Variants in TAF1L observed in about 807,000 individuals in gnomAD.
The protein encoded by TAF1L is TATA-box binding protein associated factor 1 like.
A neutral mutation model predicts 128.8 loss-of-function variants in TAF1L; 30 were observed. The ratio of observed to expected loss-of-function variants is 0.23; its 90% CI spans 0.17 to 0.32. The LOEUF is 0.32. Among genes scored for constraint, TAF1L ranks in the 10% least tolerant of loss-of-function variants. The pLI is 1.00. For missense variants in TAF1L, 2,099 were observed against 2,253.7 expected, an observed-to-expected ratio of 0.93 and a Z score of 1.39; for synonymous variants, 764 against 790.7, an observed-to-expected ratio of 0.97 and a Z score of 0.57.
chr9:32,630,617 G>A lies in TAF1L; in HGVS notation c.4963C>T (p.Pro1655Ser), dbSNP rs145062474. Residue 1655 changes from proline (P) to serine (S), a missense_variant, in exon 1 of 1, where the codon CCA becomes TCA. Around this residue, in one of 4 missense-constraint regions of TAF1L, gnomAD observed 404 missense variants for 406.5 expected, o/e 0.99. Transcript: ENST00000242310. ...LEEAELESLDPMTPGPYTSQP... is the reference protein window; with the variant it reads ...LEEAELESLDSMTPGPYTSQP... ...GATGTGTAGGGCCCTGGGGTCATTG[G>A]GTCCAGGCTTTCTAATTCTGCTTCC... 6.5e-4 allele frequency: 1,053 copies of A among 1,613,916 alleles called. 1 individual carries two copies. The highest frequency in any genetic ancestry group is 1.1e-3 in the Admixed American group (66 of 59,994).
rs368134751 is a variant in TAF1L at position 32,634,940 on chromosome 9, G to A, written c.640C>T (p.Pro214Ser). Reference sequence around the variant, plus strand: ...GATTCTGCCTGTGTTGCTTCCTGAGGTCCCATCTCAGATTCTGAATCAGAG... The same window carrying A: ...GATTCTGCCTGTGTTGCTTCCTGAGATCCCATCTCAGATTCTGAATCAGAG... Reference protein sequence around the residue: ...SYSDSESEMGPQEATQAESED... With the variant: ...SYSDSESEMGSQEATQAESED... The change falls in exon 1 of 1, where the codon CCT becomes TCT. Residue 214 changes from proline (P) to serine (S), a missense_variant. Physicochemically the swap from Pro to Ser is moderately conservative, Grantham distance 74. This residue lies in a region of TAF1L where 473 missense variants were observed against 429.6 expected (regional missense o/e 1.10). Transcript: ENST00000242310. 3.1e-6 allele frequency: 5 copies of A among 1,614,014 alleles called. No homozygotes were observed. In the African/African-American group the frequency reaches 4.0e-5, roughly 13 times the overall value.
rs1822565353 is a variant in TAF1L, at chr9:32,635,053, C to G, written c.527G>C (p.Cys176Ser). The G allele has an allele frequency of 6.2e-7, 1 of 1,614,128 alleles. No homozygotes were observed. Among genetic ancestry groups the G allele is most frequent in the South Asian group, 1.1e-5 (1 of 91,076 alleles). The part of the protein sequence containing the change: ...KKDKDQDAIT[C>S]VSESGEDIIL... ...GATGTCTTCTCCACTTTCAGACACA[C>G]AGGTAATAGCATCTTGGTCCTTATC... The change falls in exon 1 of 1, where the codon TGT (cysteine) becomes TCT (serine). Residue 176 changes from cysteine to serine, a missense_variant. Physicochemically the swap from Cys to Ser is moderately radical, Grantham distance 112 (BLOSUM62 -1). Transcript: ENST00000242310.
chr9:32,630,066 C>T lies in TAF1L; in HGVS notation c.*33G>A, dbSNP rs1476862628. 4 of 1,612,584 alleles carry T rather than the reference C, an allele frequency of 2.5e-6. No homozygotes were observed. The highest frequency in any genetic ancestry group is 2.5e-6 in the Non-Finnish European group (3 of 1,179,250). On this transcript the variant is annotated 3_prime_UTR_variant, in exon 1 of 1. Transcript: ENST00000242310. ...ATCCTCCAAATCATGGGAAGCCTCC[C>T]CACCGTCTCCCTCATGGGACATCAT...
rs1380550262 is a variant in TAF1L at position 32,633,668 on chromosome 9, G to A, written c.1912C>T (p.Pro638Ser). 6.2e-7 allele frequency: 1 copy of A among 1,614,144 alleles called. No homozygotes were observed. Residue 638 changes from proline (P) to serine (S), a missense_variant, in exon 1 of 1, where the codon CCT (proline) becomes TCT (serine). Around this residue, in one of 4 missense-constraint regions of TAF1L, gnomAD observed 1,213 missense variants for 1,391.4 expected, o/e 0.87. Transcript: ENST00000242310. Reference sequence around the variant, plus strand: ...GCACCAAATGAGTACTTTTTCAGAGGTGGGCGATGGAACTGCCGGATTTTG... The same window carrying A: ...GCACCAAATGAGTACTTTTTCAGAGATGGGCGATGGAACTGCCGGATTTTG... ...PIKIRQFHRP[P>S]LKKYSFGALS... is the part of the protein sequence containing the mutation.
rs767605500 is a variant in TAF1L, at chr9:32,631,399, T to C, written c.4181A>G (p.His1394Arg). ...CACCATAGGGTCTGTGCGGCGTCGG[T>C]GGATGGACTTATGAGGTATATTCAA... is the stretch of plus-strand genomic sequence containing the variant. ...DYLNIPHKSI[H>R]RRRTDPMVTL... is the part of the protein sequence containing the mutation. The change falls in exon 1 of 1, where the codon CAC becomes CGC. Residue 1394 changes from histidine to arginine, a missense_variant. His to Arg is a conservative substitution (Grantham distance 29). Coordinates refer to ENST00000242310, the MANE Select transcript of TAF1L (RefSeq NM_153809.2). This position sits in a 1 kb window ranked among gnomAD's most constrained non-coding sequence, Gnocchi z 4.1. 6.2e-7 allele frequency: 1 copy of C among 1,614,050 alleles called. No individual in the cohort carries two copies.
At position 32,634,685 on chromosome 9, in the gene TAF1L, A is replaced by C. The variant is rs763961573; in HGVS notation, c.895T>G (p.Cys299Gly). ...IQEEQIQEVE[C>G]SVESEVSQKS... The stretch of plus-strand genomic sequence containing the variant: ...TGGCTGACTTCTGATTCTACTGAGC[A>C]TTCCACCTCCTGGATCTGCTCTTCC... The change falls in exon 1 of 1, where the codon TGC (cysteine) becomes GGC (glycine). Residue 299 changes from cysteine to glycine, a missense_variant. By Grantham distance (159) the Cys-to-Gly change is radical (BLOSUM62 -3). This residue lies in a region of TAF1L where 473 missense variants were observed against 429.6 expected (regional missense o/e 1.10). Coordinates refer to ENST00000242310, the MANE Select transcript of TAF1L (RefSeq NM_153809.2). 6.2e-7 allele frequency: 1 copy of C among 1,614,102 alleles called. No individual in the cohort carries two copies. Among genetic ancestry groups the C allele is most frequent in the South Asian group, 1.1e-5 (1 of 91,076 alleles).
Position 32,634,531 on chromosome 9 carries a change from A to C in TAF1L, c.1049T>G (p.Val350Gly), listed in dbSNP as rs746383314. The C allele has an allele frequency of 5.6e-6, 9 of 1,614,046 alleles. No individual in the cohort carries two copies. In the Admixed American group the frequency reaches 1.5e-4, roughly 27 times the overall value. The change falls in exon 1 of 1, where the codon GTG (valine) becomes GGG (glycine). Residue 350 changes from valine to glycine, a missense_variant. Coordinates refer to ENST00000242310, the MANE Select transcript of TAF1L (RefSeq NM_153809.2). ...AGCCACTCTTGGTTTGGTATCTGTCACTTTATCTACATCTCCAGTTGATTG... is the reference window on the plus strand; with the variant it reads ...AGCCACTCTTGGTTTGGTATCTGTCCCTTTATCTACATCTCCAGTTGATTG... ...FSQSTGDVDK[V>G]TDTKPRVAEW...
rs1162295741 is a variant in TAF1L, at chr9:32,634,072, A to C, written c.1508T>G (p.Ile503Ser). 1 of 1,614,188 alleles carries C rather than the reference A, an allele frequency of 6.2e-7. No homozygotes were observed. The highest frequency in any genetic ancestry group is 8.5e-7 in the Non-Finnish European group (1 of 1,180,044). The change falls in exon 1 of 1, where the codon ATC (isoleucine) becomes AGC (serine). Residue 503 changes from isoleucine (I) to serine (S), a missense_variant. Physicochemically the swap from Ile to Ser is moderately radical, Grantham distance 142. This residue lies in a region of TAF1L where 1,213 missense variants were observed against 1,391.4 expected (regional missense o/e 0.87). Transcript: ENST00000242310. ...DLVYGRWEDN[I>S]IWDAQAMPRL... is the part of the protein sequence containing the mutation. Reference sequence around the variant, plus strand: ...GGGCATGGCCTGAGCATCCCAAATGATATTGTCCTCCCAGCGTCCATACAC... The same window carrying C: ...GGGCATGGCCTGAGCATCCCAAATGCTATTGTCCTCCCAGCGTCCATACAC...
In TAF1L at chr9:32,631,584, T is replaced by C; in HGVS notation, c.3996A>G (p.Glu1332=). ...LEKTVIHNDN[E]ELIKVEGTKI... ...TGGTCCCTTCAACCTTGATAAGTTC[T>C]TCATTATCATTATGAATGACTGTCT... The change falls in exon 1 of 1, where the codon GAA becomes GAG. Residue 1332 remains glutamate (E), a synonymous_variant. Transcript: ENST00000242310. This position sits in a 1 kb window ranked among gnomAD's most constrained non-coding sequence, Gnocchi z 4.1. 6.2e-7 allele frequency: 1 copy of C among 1,614,230 alleles called. No individual in the cohort carries two copies. Among genetic ancestry groups the C allele is most frequent in the Non-Finnish European group, 8.5e-7 (1 of 1,180,040 alleles).
chr9:32,629,883 T>A lies in TAF1L; in HGVS notation c.*216A>T. 1 of 856,764 alleles carries A rather than the reference T, an allele frequency of 1.2e-6. No homozygotes were observed. The highest frequency in any genetic ancestry group is 1.8e-6 in the Non-Finnish European group (1 of 558,812). 53.1% of individuals were successfully genotyped at this position (856,764 alleles called of 1,614,324 possible). A position where few individuals can be genotyped will look rare whatever the true frequency, so the allele number is the denominator to read the frequency against. Reference sequence around the variant, plus strand: ...CATGTTGGCCAAGCTGGTCTCGAACTGACCTCAGGTGATCCACCCGCCTCG... The same window carrying A: ...CATGTTGGCCAAGCTGGTCTCGAACAGACCTCAGGTGATCCACCCGCCTCG... On this transcript the variant is annotated 3_prime_UTR_variant, in exon 1 of 1. Coordinates refer to ENST00000242310, the MANE Select transcript of TAF1L (RefSeq NM_153809.2).
Position 32,632,904 on chromosome 9 carries a change from T to C in TAF1L, c.2676A>G (p.Glu892=). Residue 892 remains glutamate, a synonymous_variant, in exon 1 of 1, where the codon GAA becomes GAG. Coordinates refer to ENST00000242310, the MANE Select transcript of TAF1L (RefSeq NM_153809.2). This position sits in a 1 kb window ranked among gnomAD's most constrained non-coding sequence, Gnocchi z 4.4. ...GTGACACCTTAGCTCTGATCTCTTC[T>C]TCCGTTGGTAAACGAAAATCAGACT... The part of the protein sequence containing the change: ...VLKSDFRLPT[E]EEIRAKVSPE... The C allele has an allele frequency of 1.9e-6, 3 of 1,614,246 alleles. No individual in the cohort carries two copies. The highest frequency in any genetic ancestry group is 2.5e-6 in the Non-Finnish European group (3 of 1,180,048).
Position 32,633,084 on chromosome 9 carries a change from G to C in TAF1L, c.2496C>G (p.Arg832=). Residue 832 remains arginine, a synonymous_variant, in exon 1 of 1, where the codon CGC becomes CGG. Coordinates refer to ENST00000242310, the MANE Select transcript of TAF1L (RefSeq NM_153809.2). ...GCCGATCTTTACTCTTCCAGAAAAG[G>C]CGGTAAATAAAAACCTGTAGAAAGT... The part of the protein sequence containing the change: ...IRDFLQVFIY[R]LFWKSKDRPR... 1 of 1,614,154 alleles carries C rather than the reference G, an allele frequency of 6.2e-7. No individual in the cohort carries two copies. Among genetic ancestry groups the C allele is most frequent in the Non-Finnish European group, 8.5e-7 (1 of 1,180,030 alleles).
chr9:32,635,529 G>A lies in TAF1L; in HGVS notation c.51C>T (p.Ala17=), dbSNP rs778943595. The change falls in exon 1 of 1, where the codon GCC becomes GCT. Residue 17 remains alanine, a synonymous_variant. Transcript: ENST00000242310. ...CGCTGTCCGAGTCTGACATGATGGCGGCAGTGACGGTAGCTGCTGCCCTCA... is the reference window on the plus strand; with the variant it reads ...CGCTGTCCGAGTCTGACATGATGGCAGCAGTGACGGTAGCTGCTGCCCTCA... ...LLLRAAATVT[A]AIMSDSDSEE... 25 of 1,613,946 alleles carry A rather than the reference G, an allele frequency of 1.5e-5. No individual in the cohort carries two copies. Among genetic ancestry groups the A allele is most frequent in the Non-Finnish European group, 1.9e-5 (23 of 1,180,020 alleles).
rs549286987 is a variant in TAF1L, at chr9:32,634,463, C to T, written c.1117G>A (p.Gly373Ser). 1 of 1,614,180 alleles carries T rather than the reference C, an allele frequency of 6.2e-7. No homozygotes were observed. The highest frequency in any genetic ancestry group is 8.5e-7 in the Non-Finnish European group (1 of 1,180,032). Residue 373 changes from glycine to serine, a missense_variant, in exon 1 of 1, where the codon GGT (glycine) becomes AGT (serine). Gly to Ser is a moderately conservative substitution (Grantham distance 56, BLOSUM62 0). This residue lies in a region of TAF1L where 1,213 missense variants were observed against 1,391.4 expected (regional missense o/e 0.87). Coordinates refer to ENST00000242310, the MANE Select transcript of TAF1L (RefSeq NM_153809.2). The stretch of plus-strand genomic sequence containing the variant: ...AACCCACTGCCATCTTCGGAGACAC[C>T]CAGCATATCATACCACAGTCGGGCA... ...GPARLWYDML[G>S]VSEDGSGFDY...
At position 32,630,039 on chromosome 9, in the gene TAF1L, C is replaced by A; in HGVS notation, c.*60G>T. 2 of 1,603,160 alleles carry A rather than the reference C, an allele frequency of 1.2e-6. No individual in the cohort carries two copies. The highest frequency in any genetic ancestry group is 1.7e-6 in the Non-Finnish European group (2 of 1,174,936). On this transcript the variant is annotated 3_prime_UTR_variant, in exon 1 of 1. Coordinates refer to ENST00000242310, the MANE Select transcript of TAF1L (RefSeq NM_153809.2). ...CTCACAGCTCCCATAACTGATGTTG[C>A]TATCCTCCAAATCATGGGAAGCCTC...
Position 32,634,351 on chromosome 9 carries a change from C to A in TAF1L, c.1229G>T (p.Ser410Ile). The A allele has an allele frequency of 6.2e-7, 1 of 1,614,202 alleles. No homozygotes were observed. The highest frequency in any genetic ancestry group is 8.5e-7 in the Non-Finnish European group (1 of 1,180,038). Residue 410 changes from serine (S) to isoleucine (I), a missense_variant, in exon 1 of 1, where the codon AGC becomes ATC. Transcript: ENST00000242310. ...GTCAGCCAGAAGATCAGTGCCATTGCTTTCCTCAAGTTTCCTAAATTCCTC... is the reference window on the plus strand; with the variant it reads ...GTCAGCCAGAAGATCAGTGCCATTGATTTCCTCAAGTTTCCTAAATTCCTC... ...MMEEFRKLEE[S>I]NGTDLLADEN...
chr9:32,633,159 C>T lies in TAF1L; in HGVS notation c.2421G>A (p.Leu807=). The T allele has an allele frequency of 1.9e-6, 3 of 1,614,170 alleles. No homozygotes were observed. The highest frequency in any genetic ancestry group is 1.3e-5 in the African/African-American group (1 of 75,036). ...TGGAGTTAGGCCCAGGAACTTCAAA[C>T]AAGGGACACTGCTGGCCAACCACAA... The part of the protein sequence containing the change: ...DIFVVGQQCP[L]FEVPGPNSRR... Residue 807 remains leucine, a synonymous_variant, in exon 1 of 1, where the codon TTG becomes TTA. Transcript: ENST00000242310.
Position 32,630,064 on chromosome 9 carries a change from C to A in TAF1L, c.*35G>T. The A allele has an allele frequency of 6.2e-7, 1 of 1,609,290 alleles. No homozygotes were observed. Among genetic ancestry groups the A allele is most frequent in the South Asian group, 1.1e-5 (1 of 90,606 alleles). ...CTATCCTCCAAATCATGGGAAGCCTCCCCACCGTCTCCCTCATGGGACATC... is the reference window on the plus strand; with the variant it reads ...CTATCCTCCAAATCATGGGAAGCCTACCCACCGTCTCCCTCATGGGACATC... On this transcript the variant is annotated 3_prime_UTR_variant, in exon 1 of 1. Transcript: ENST00000242310.
Position 32,631,783 on chromosome 9 carries a change from G to T in TAF1L, c.3797C>A (p.Pro1266His). The T allele has an allele frequency of 6.2e-7, 1 of 1,614,154 alleles. No homozygotes were observed. Among genetic ancestry groups the T allele is most frequent in the Non-Finnish European group, 8.5e-7 (1 of 1,180,032 alleles). Residue 1266 changes from proline to histidine, a missense_variant, in exon 1 of 1, where the codon CCT becomes CAT. Pro to His is a moderately conservative substitution (Grantham distance 77). Coordinates refer to ENST00000242310, the MANE Select transcript of TAF1L (RefSeq NM_153809.2). This position sits in a 1 kb window ranked among gnomAD's most constrained non-coding sequence, Gnocchi z 4.1. ...NQEKEKLKGP[P>H]EKKPKKMKER... is the part of the protein sequence containing the mutation. ...TTTCATTTTCTTGGGCTTCTTCTCA[G>T]GAGGACCCTTAAGCTTCTCCTTTTC...
Sources: allele counts gnomAD v4.1 joint callset, GRCh38; gene constraint gnomAD v4.1.1; regional missense constraint gnomAD v4.1.1; non-coding constraint Gnocchi (gnomAD v3.1); transcripts MANE v1.5; gene names NCBI Gene and HGNC (gene_info 2026-07-23, HGNC 2026-07-21).